HOXB3: variants seen among roughly 807,000 people sequenced by gnomAD.
HOXB3 encodes the protein homeobox B3, also known as homeobox protein Hox-B3.
A neutral mutation model predicts 29.2 loss-of-function variants in HOXB3; 17 were observed. That is an observed-to-expected ratio of 0.58 (90% confidence interval 0.40 to 0.87). HOXB3 has a LOEUF of 0.87. HOXB3 is among the 40% of genes least tolerant of loss of function. The pLI is 0.00. For missense variants in HOXB3, 637 were observed against 616.3 expected, an observed-to-expected ratio of 1.03 and a Z score of -0.35; for synonymous variants, 317 against 285.9, an observed-to-expected ratio of 1.11 and a Z score of -1.10.
rs2068905947 is a variant in HOXB3 at position 48,554,987 on chromosome 17, T to C, written c.-159+544A>G. 1 of 424,268 alleles carries C rather than the reference T, an allele frequency of 2.4e-6. No individual in the cohort carries two copies. The highest frequency in any genetic ancestry group is 2.1e-5 in the African/African-American group (1 of 48,186). 26.3% of individuals were successfully genotyped at this position (424,268 alleles called of 1,614,324 possible). ...ATGTTGGAAAAATTCAGGTTCCATA[T>C]GGCTCCTCGGGAGGGAGGGAGGGAG... is the stretch of plus-strand genomic sequence containing the variant. On this transcript the variant is annotated intron_variant, in intron 3 of 4. Coordinates refer to ENST00000498678, the MANE Select transcript of HOXB3 (RefSeq NM_001384749.1). This position sits in a 1 kb window ranked among gnomAD's most constrained non-coding sequence, Gnocchi z 4.1.
chr17:48,574,697 C>G lies in HOXB3; in HGVS notation c.-424-683G>C, dbSNP rs146485010. ...ACTTCCAAGCAGTGCTGCACAAAAG[C>G]AATCTGAGCCTGACAGAGCTTCTGA... On this transcript the variant is annotated intron_variant, in intron 1 of 4. Coordinates refer to ENST00000498678, the MANE Select transcript of HOXB3 (RefSeq NM_001384749.1). 4.1e-3 allele frequency among the ~76,000 whole-genome samples: 623 copies of G among 152,262 alleles called. 4 individuals carry two copies. The highest frequency in any genetic ancestry group is 0.014 in the African/African-American group (588 of 41,538).
intron 1 of HOXB3, among the ~76,000 whole-genome samples, chr17:48,589,597 G>A (rs1376242317): frequency 6.6e-6 from 1 of 152,264 alleles, no homozygotes; most frequent in Middle Eastern, 3.4e-3. Context: ...TTCAAAGATC[G>A]GAAAGCCAGA....
chr17:48,587,259 T>C (rs980777817), intron 1 of HOXB3, among the ~76,000 whole-genome samples: 2 of 151,908 alleles, frequency 1.3e-5, no homozygotes, highest in Non-Finnish European at 2.9e-5. Context: ...TTCCAGGCGG[T>C]GTTAATTAAT....
intron 2 of HOXB3, among the ~76,000 whole-genome samples, chr17:48,572,591 TGC>T (rs1221997181): frequency 6.6e-6 from 1 of 152,146 alleles, no homozygotes; most frequent in Non-Finnish European, 1.5e-5. Flanking sequence ...TGGGAGTGGT[TGC>T]GGGGAGGATG....
intron 1 of HOXB3, among the ~76,000 whole-genome samples, chr17:48,585,888 A>G (rs1567967102): frequency 6.6e-6 from 1 of 151,750 alleles, no homozygotes; most frequent in African/African-American, 2.4e-5. Context: ...CTGACTCCCC[A>G]CCTTTCCAAC....
intron 1 of HOXB3, among the ~76,000 whole-genome samples, chr17:48,589,575 C>A (rs4793943): frequency 2.0e-5 from 3 of 151,928 alleles, no homozygotes; most frequent in Admixed American, 6.6e-5. Flanking sequence ...GGAGGGACCT[C>A]TTTTTATGGG....
chr17:48,574,571 C>T (rs1416710445), intron 1 of HOXB3: 1 of 152,210 alleles, frequency 6.6e-6, no homozygotes, highest in Non-Finnish European at 1.5e-5. Context: ...CTTTTAATTG[C>T]ATATGCTCTC....
chr17:48,550,239 C>T lies in HOXB3; in HGVS notation c.*95G>A. 6.5e-7 allele frequency: 1 copy of T among 1,536,992 alleles called. No individual in the cohort carries two copies. The highest frequency in any genetic ancestry group is 8.8e-7 in the Non-Finnish European group (1 of 1,134,318). On this transcript the variant is annotated 3_prime_UTR_variant, in exon 5 of 5. Coordinates refer to ENST00000498678, the MANE Select transcript of HOXB3 (RefSeq NM_001384749.1). ...GACCAGGAAGCCTGGGTACCACCTT[C>T]TCTGGCTCCTCTTTTCAGACCTCCA...
At chr17:48,579,715 T>C (rs1477899384) in intron 1 of HOXB3, 7 of 263,618 alleles carry the variant, frequency 2.7e-5, no homozygotes, top group African/African-American at 1.7e-4. Flanking sequence ...TCTAACCAGT[T>C]GAAGGAGGAA....
Position 48,552,045 on chromosome 17 carries a change from T to G in HOXB3, c.430A>C (p.Asn144His). 1.3e-6 allele frequency: 2 copies of G among 1,581,250 alleles called. No individual in the cohort carries two copies. Among genetic ancestry groups the G allele is most frequent in the East Asian group, 4.5e-5 (2 of 44,344 alleles). The change falls in exon 4 of 5, where the codon AAC (asparagine) becomes CAC (histidine). Residue 144 changes from asparagine (N) to histidine (H), a missense_variant. Coordinates refer to ENST00000498678, the MANE Select transcript of HOXB3 (RefSeq NM_001384749.1). ...KESRQTSKLK[N>H]NSPGTAEGCG... ...CTGGTACCTGTGCCGGGGGAGTTGT[T>G]TTTCAGCTTGGACGTTTGCCTCGAC...
intron 2 of HOXB3, among the ~76,000 whole-genome samples, chr17:48,572,100 T>C (rs961520022): frequency 7.2e-5 from 11 of 152,332 alleles, no homozygotes; most frequent in Admixed American, 3.3e-4. Context: ...TTGGAAAGGC[T>C]CTATGTTCAG....
chr17:48,583,290 T>TC (rs1567966224), intron 1 of HOXB3, among the ~76,000 whole-genome samples: 1 of 151,638 alleles, frequency 6.6e-6, no homozygotes, highest in African/African-American at 2.4e-5. Flanking sequence ...AGCTTCCCCC[T>TC]CCCCCCGAAG....
At chr17:48,576,237 G>A in intron 1 of HOXB3, 1 of 153,636 alleles carries the variant, frequency 6.5e-6, no homozygotes, top group East Asian at 1.9e-4. Context: ...AGTAGCAGAG[G>A]CGGAGGCGGC....
In HOXB3 at chr17:48,552,577, C is replaced by CCA; in HGVS notation, c.-104_-103insTG. 1.3e-6 allele frequency: 1 copy of CCA among 793,720 alleles called. No individual in the cohort carries two copies. Among genetic ancestry groups the CCA allele is most frequent in the African/African-American group, 2.0e-5 (1 of 51,268 alleles). 49.2% of individuals were successfully genotyped at this position (793,720 alleles called of 1,614,324 possible). On this transcript the variant is annotated 5_prime_UTR_variant, in exon 4 of 5. It introduces an in-frame stop codon into an upstream open reading frame of the 5' UTR. Transcript: ENST00000498678. ...GGGTCACGTGACACGCCGGACCCCC[C>CCA]CCCCCCACCTCCCCTCTCTGCCCCC...
intron 1 of HOXB3, among the ~76,000 whole-genome samples, chr17:48,587,739 T>A (rs953868655): frequency 3.9e-5 from 6 of 152,226 alleles, no homozygotes; most frequent in Non-Finnish European, 7.3e-5. Flanking sequence ...CTGGCTTTCC[T>A]GTTTACACTT....
At chr17:48,561,995 T>G (rs1017816837) in intron 2 of HOXB3, among the ~76,000 whole-genome samples, 11 of 152,304 alleles carry the variant, frequency 7.2e-5, no homozygotes, top group African/African-American at 2.6e-4. Flanking sequence ...GTCACCAGAT[T>G]CAGAGTATTT....
At chr17:48,576,515 G>GA in intron 1 of HOXB3, 1 of 406,488 alleles carries the variant, frequency 2.5e-6, no homozygotes, top group Non-Finnish European at 4.3e-6. Context: ...CTTCTGGGGG[G>GA]GCCTCCCCGT....
Position 48,590,197 on chromosome 17 carries a change from C to T in HOXB3, c.-497G>A, listed in dbSNP as rs952123481. 2.0e-4 allele frequency: 31 copies of T among 152,364 alleles called. No homozygotes were observed. The highest frequency in any genetic ancestry group is 3.4e-3 in the Middle Eastern group (1 of 294). 9.4% of individuals were successfully genotyped at this position (152,364 alleles called of 1,614,324 possible). A position where few individuals can be genotyped will look rare whatever the true frequency, so the allele number is the denominator to read the frequency against. On this transcript the variant is annotated 5_prime_UTR_variant, in exon 1 of 5. It adds an upstream start codon to the 5' untranslated region. Coordinates refer to ENST00000498678, the MANE Select transcript of HOXB3 (RefSeq NM_001384749.1). ...CTGCTCCAGGCTGGGAGAGTGCTCA[C>T]CTACCTCTGCCCCCTTCCCCACCAC... is the stretch of plus-strand genomic sequence containing the variant.
chr17:48,557,309 T>C (rs73985859), intron 2 of HOXB3: 1 of 152,396 alleles, frequency 6.6e-6, no homozygotes, highest in African/African-American at 2.4e-5. Context: ...GCTTTTGCCT[T>C]CTCCCATCTG....
Sources: gnomAD v4.1 joint callset for allele counts (sites outside exome capture counted in the v4.1 genomes callset) on GRCh38, gnomAD v4.1.1 for gene constraint, Gnocchi (gnomAD v3.1) non-coding constraint, MANE v1.5 for transcripts, NCBI Gene and HGNC (gene_info 2026-07-23, HGNC 2026-07-21) for gene names.